Variants in CPA6 observed in about 807,000 individuals in gnomAD.
CPA6 encodes carboxypeptidase B.
CPA6 carries 58 observed loss-of-function variants against 63.3 expected under a neutral mutation model. That is an observed-to-expected ratio of 0.92 (90% CI 0.74 to 1.14). The LOEUF (loss-of-function observed/expected upper bound fraction) is 1.14, where lower values mean the gene tolerates loss of function less well. CPA6 is among the 50% of genes most tolerant of loss of function. CPA6 has a pLI of 0.00. For synonymous variants in CPA6, 185 were observed against 179.0 expected, an observed-to-expected ratio of 1.03 and a Z score of -0.27; for missense variants, 565 against 526.6, an observed-to-expected ratio of 1.07 and a Z score of -0.71.
chr8:67,693,753 A>G (rs1271850962), intron 1 of CPA6, among the ~76,000 whole-genome samples: 1 of 152,178 alleles, frequency 6.6e-6, no homozygotes, highest in Non-Finnish European at 1.5e-5. Context: ...CAGCCTCCAG[A>G]ACTGTGAGAG....
chr8:67,549,076 G>T (rs1172339822), intron 2 of CPA6, among the ~76,000 whole-genome samples: 1 of 152,098 alleles, frequency 6.6e-6, no homozygotes, highest in African/African-American at 2.4e-5. Context: ...AAAAGCAAAA[G>T]AAAATGATGG....
chr8:67,731,701 G>A (rs913832701), intron 1 of CPA6, among the ~76,000 whole-genome samples: 1 of 152,238 alleles, frequency 6.6e-6, no homozygotes, highest in Non-Finnish European at 1.5e-5. Flanking sequence ...ATGGGCATCT[G>A]AGTAGGGGAA....
intron 8 of CPA6, among the ~76,000 whole-genome samples, chr8:67,476,556 T>TTTC (rs1811243710): frequency 7.5e-6 from 1 of 132,676 alleles, no homozygotes; most frequent in African/African-American, 3.7e-5. Flanking sequence ...TCTCTCTCTT[T>TTTC]TTTTTTTTTT....
intron 1 of CPA6, among the ~76,000 whole-genome samples, chr8:67,688,303 G>C (rs1313133082): frequency 1.2e-4 from 18 of 152,192 alleles, no homozygotes; most frequent in Non-Finnish European, 2.6e-4. Context: ...TGACCAAGGG[G>C]ACAGATGAGA....
At chr8:67,532,374 C>T (rs1159325973) in intron 2 of CPA6, among the ~76,000 whole-genome samples, 4 of 139,736 alleles carry the variant, frequency 2.9e-5, no homozygotes, top group East Asian at 2.1e-4. Context: ...GACCTTAAGC[C>T]GGTGTAATTG....
At chr8:67,681,607 A>C (rs906388529) in intron 1 of CPA6, among the ~76,000 whole-genome samples, 1 of 152,140 alleles carries the variant, frequency 6.6e-6, no homozygotes, top group Non-Finnish European at 1.5e-5. Context: ...TATGCATGTA[A>C]GCTTTTGGGA....
At chr8:67,737,391 A>G (rs1817833611) in intron 1 of CPA6, among the ~76,000 whole-genome samples, 1 of 152,238 alleles carries the variant, frequency 6.6e-6, no homozygotes, top group Non-Finnish European at 1.5e-5. Flanking sequence ...AATACCAGCC[A>G]TTTAAAAGAA....
intron 8 of CPA6, among the ~76,000 whole-genome samples, chr8:67,453,977 A>T (rs1410225054): frequency 6.6e-6 from 1 of 152,230 alleles, no homozygotes; most frequent in Non-Finnish European, 1.5e-5. Context: ...AATATTCTAC[A>T]GCATTTTATG....
chr8:67,669,172 G>C (rs1816292440), intron 1 of CPA6, among the ~76,000 whole-genome samples: 1 of 152,194 alleles, frequency 6.6e-6, no homozygotes, highest in Non-Finnish European at 1.5e-5. Context: ...AGATAACTGT[G>C]AGTTACCATT....
At chr8:67,611,752 C>T (rs1344575462) in intron 2 of CPA6, among the ~76,000 whole-genome samples, 3 of 152,146 alleles carry the variant, frequency 2.0e-5, no homozygotes, top group Non-Finnish European at 4.4e-5. Context: ...ATGTGGAAGG[C>T]CCAGTGACAC....
rs1452811875 is a variant in CPA6, at chr8:67,484,729, A to T, written c.697T>A (p.Tyr233Asn). 6.2e-7 allele frequency: 1 copy of T among 1,611,248 alleles called. No individual in the cohort carries two copies. Among genetic ancestry groups the T allele is most frequent in the East Asian group, 2.2e-5 (1 of 44,828 alleles). The change falls in exon 7 of 11, where the codon TAT becomes AAT. Residue 233 changes from tyrosine to asparagine, a missense_variant. Transcript: ENST00000297770. ...TCGACGTTAAACACAGGCATGATAT[A>T]GAAATATAGATGATTCAACATTTTT... The part of the protein sequence containing the change: ...MRKMLNHLYF[Y>N]IMPVFNVDGY...
chr8:67,561,796 T>A (rs56307668), intron 2 of CPA6, among the ~76,000 whole-genome samples: 14,055 of 152,230 alleles, frequency 0.092, 695 homozygotes, highest in Middle Eastern at 0.19. Context: ...GAATTCAGCA[T>A]GATGGGGCAT....
rs146885812 is a variant in CPA6 at position 67,690,181 on chromosome 8, G to A, written c.116+55833C>T. ...GAGGAACTGTGTGTTACTCAGTTCT[G>A]TATCTTATAGGTGGTTCAATTAATG... is the stretch of plus-strand genomic sequence containing the variant. On this transcript the variant is annotated intron_variant, in intron 1 of 10. Coordinates refer to ENST00000297770, the MANE Select transcript of CPA6 (RefSeq NM_020361.5). 4.7e-3 allele frequency among the ~76,000 whole-genome samples: 718 copies of A among 152,160 alleles called. 6 individuals are homozygous for A. The highest frequency in any genetic ancestry group is 7.5e-3 in the Non-Finnish European group (507 of 67,978).
At chr8:67,694,069 AT>A (rs1294075004) in intron 1 of CPA6, among the ~76,000 whole-genome samples, 2 of 152,224 alleles carry the variant, frequency 1.3e-5, no homozygotes, top group African/African-American at 4.8e-5. Context: ...CATATTCTTC[AT>A]TTGGGTGTAT....
intron 2 of CPA6, among the ~76,000 whole-genome samples, chr8:67,595,923 G>A (rs1251892150): frequency 6.6e-6 from 1 of 152,218 alleles, no homozygotes; most frequent in Non-Finnish European, 1.5e-5. Context: ...ACTCCCCAGT[G>A]AGATGAACCC....
rs539007014 is a variant in CPA6, at chr8:67,715,892, G to A, written c.116+30122C>T. On this transcript the variant is annotated intron_variant, in intron 1 of 10. Transcript: ENST00000297770. ...CAGTGGGCAGGGCGCGGTGGCTCAG[G>A]CCTGTAATCCCAACACTTTGGGAGG... 1.6e-4 allele frequency among the ~76,000 whole-genome samples: 24 copies of A among 152,236 alleles called. No individual in the cohort carries two copies. The South Asian group carries it at 5.0e-3, about 32-fold the overall frequency.
At chr8:67,707,102 T>C (rs1232928991) in intron 1 of CPA6, among the ~76,000 whole-genome samples, 2 of 152,204 alleles carry the variant, frequency 1.3e-5, no homozygotes, top group Admixed American at 6.5e-5. Context: ...ACAATTATTG[T>C]CTTATTTTGA....
rs2128950289 is a variant in CPA6 at position 67,422,526 on chromosome 8, T to G, written c.1292A>C (p.His431Pro). Residue 431 changes from histidine (H) to proline (P), a missense_variant, in exon 11 of 11, where the codon CAC (histidine) becomes CCC (proline). Physicochemically the swap from His to Pro is moderately conservative, Grantham distance 77 (BLOSUM62 -2). Transcript: ENST00000297770. Reference protein sequence around the residue: ...TMLAVKNITMHLLKKCP With the variant: ...TMLAVKNITMPLLKKCP ...GTCTCAGGGACATTTCTTTAGCAGGTGCATTGTGATATTTTTCACAGCCAG... is the reference window on the plus strand; with the variant it reads ...GTCTCAGGGACATTTCTTTAGCAGGGGCATTGTGATATTTTTCACAGCCAG... 6.2e-7 allele frequency: 1 copy of G among 1,614,100 alleles called. No individual in the cohort carries two copies. The highest frequency in any genetic ancestry group is 8.5e-7 in the Non-Finnish European group (1 of 1,179,992).
chr8:67,474,569 G>C (rs1032469483), intron 8 of CPA6, among the ~76,000 whole-genome samples: 2 of 152,150 alleles, frequency 1.3e-5, no homozygotes, highest in African/African-American at 4.8e-5. Context: ...CACTTAGAAA[G>C]AGTTTGGAAT....
Sources: allele counts gnomAD v4.1 joint callset (sites outside exome capture counted in the v4.1 genomes callset), GRCh38; gene constraint gnomAD v4.1.1; transcripts MANE v1.5; gene names NCBI Gene and HGNC (gene_info 2026-07-23, HGNC 2026-07-21).